The following ADIPOR2 variants were observed in gnomAD, a reference collection of about 807,000 sequenced individuals.
ADIPOR2 encodes adiponectin receptor protein 2.
ADIPOR2 carries 18 observed loss-of-function variants against 40.9 expected under a neutral mutation model. The observed-to-expected ratio is 0.44, with a 90% CI of 0.30 to 0.65. ADIPOR2 has a LOEUF of 0.65. Among genes scored for constraint, ADIPOR2 ranks in the 30% least tolerant of loss-of-function variants. ADIPOR2 has a pLI of 0.09. For missense variants in ADIPOR2, 283 were observed against 479.2 expected (o/e 0.59, Z 3.82); for synonymous variants, 165 against 166.4 (o/e 0.99, Z 0.06).
intron 2 of ADIPOR2, among the ~76,000 whole-genome samples, chr12:1,755,452 A>C (rs897355305): frequency 4.6e-5 from 7 of 152,198 alleles, no homozygotes; most frequent in Non-Finnish European, 1.0e-4. Flanking sequence ...GGTACCATAT[A>C]ATCTAATTTA....
At chr12:1,764,272 G>GT (rs1862328749) in intron 2 of ADIPOR2, among the ~76,000 whole-genome samples, 3 of 152,076 alleles carry the variant, frequency 2.0e-5, no homozygotes, top group African/African-American at 7.2e-5. Flanking sequence ...GAGGGTCATA[G>GT]TTTACTTTTT....
At chr12:1,706,168 C>T (rs533239935) in intron 1 of ADIPOR2, among the ~76,000 whole-genome samples, 12 of 145,192 alleles carry the variant, frequency 8.3e-5, no homozygotes, top group South Asian at 4.6e-4. Context: ...CTGTTTTGTA[C>T]GTTGTGTAAC....
chr12:1,745,008 A>G (rs2094751858), intron 1 of ADIPOR2, among the ~76,000 whole-genome samples: 1 of 152,162 alleles, frequency 6.6e-6, no homozygotes, highest in African/African-American at 2.4e-5. Flanking sequence ...TTCGGAAACA[A>G]AAAGAAGTCA....
At chr12:1,761,614 T>C (rs1300680079) in intron 2 of ADIPOR2, among the ~76,000 whole-genome samples, 2 of 152,220 alleles carry the variant, frequency 1.3e-5, no homozygotes, top group African/African-American at 4.8e-5. Flanking sequence ...TGAAGAGACC[T>C]GCCTAGGTTA....
rs2154444654 is a variant in ADIPOR2, at chr12:1,787,004, G to GGCT, written c.*934_*936dup. 1 of 152,324 alleles carries GGCT rather than the reference G, an allele frequency of 6.6e-6. No homozygotes were observed. The highest frequency in any genetic ancestry group is 2.1e-4 in the South Asian group (1 of 4,820). 9.4% of individuals were successfully genotyped at this position (152,324 alleles called of 1,614,324 possible). On this transcript the variant is annotated 3_prime_UTR_variant, in exon 8 of 8. Transcript: ENST00000357103. Reference sequence around the variant, plus strand: ...GAGGAGCTCTAGAAACATTAGCATGGGCTGATCTGATTACTTCCTGGCATC... The same window carrying GGCT: ...GAGGAGCTCTAGAAACATTAGCATGGGCTGCTGATCTGATTACTTCCTGGCATC...
chr12:1,783,837 G>GTT (rs780051334), intron 6 of ADIPOR2, 43 bp from the exon 7 acceptor site: 1 of 1,480,768 alleles, frequency 6.8e-7, no homozygotes. Flanking sequence ...CTGGCTCTTT[G>GTT]TTTCTCTTCT....
intron 1 of ADIPOR2, among the ~76,000 whole-genome samples, chr12:1,692,892 C>G (rs1275950959): frequency 6.6e-6 from 1 of 152,132 alleles, no homozygotes; most frequent in Non-Finnish European, 1.5e-5. Context: ...CGATCGCTCA[C>G]GCTGGTAATC....
chr12:1,703,192 A>G (rs949603360), intron 1 of ADIPOR2, among the ~76,000 whole-genome samples: 1 of 152,368 alleles, frequency 6.6e-6, no homozygotes, highest in Middle Eastern at 3.4e-3. Flanking sequence ...AGCTAGAGCT[A>G]TACGTTGTGA....
intron 7 of ADIPOR2, among the ~76,000 whole-genome samples, chr12:1,784,819 C>T (rs1335966909): frequency 2.0e-5 from 3 of 152,204 alleles, no homozygotes; most frequent in Non-Finnish European, 2.9e-5. Context: ...ATTGGAAATA[C>T]GCTTAATGTG....
chr12:1,718,146 A>T (rs2094691252), intron 1 of ADIPOR2, among the ~76,000 whole-genome samples: 1 of 152,114 alleles, frequency 6.6e-6, no homozygotes, highest in Admixed American at 6.5e-5. Flanking sequence ...TTGAATGATA[A>T]AATGTAGGCT....
At chr12:1,733,114 T>C (rs1292964806) in intron 1 of ADIPOR2, among the ~76,000 whole-genome samples, 1 of 152,212 alleles carries the variant, frequency 6.6e-6, no homozygotes. Context: ...TCTGTGTAAT[T>C]TTACTTAGAA....
At chr12:1,774,962 C>CA (rs1276890321) in intron 3 of ADIPOR2, among the ~76,000 whole-genome samples, 13 of 40,064 alleles carry the variant, frequency 3.2e-4, no homozygotes, top group Non-Finnish European at 1.3e-4. Context: ...CTCGGCCTCC[C>CA]ATAGTGCTGG....
At chr12:1,752,523 T>C (rs78881847) in intron 1 of ADIPOR2, among the ~76,000 whole-genome samples, 6 of 152,182 alleles carry the variant, frequency 3.9e-5, no homozygotes, top group Non-Finnish European at 5.9e-5. Context: ...GTTCATTTTC[T>C]TATCTTTTAC....
chr12:1,762,799 T>A (rs1862298083), intron 2 of ADIPOR2, among the ~76,000 whole-genome samples: 1 of 152,246 alleles, frequency 6.6e-6, no homozygotes, highest in African/African-American at 2.4e-5. Flanking sequence ...TGTGAATGTA[T>A]GTGTATTGTA....
intron 2 of ADIPOR2, among the ~76,000 whole-genome samples, chr12:1,764,588 C>CACACACACACACACACACAT (rs1555170937): frequency 2.1e-4 from 29 of 139,918 alleles, no homozygotes; most frequent in African/African-American, 6.8e-4. Context: ...CACACACACA[C>CACACACACACACACACACAT]ACGTAGATAT....
chr12:1,787,820 G>A lies in ADIPOR2; in HGVS notation c.*1748G>A, dbSNP rs186160725. ...CCTTGCAATCTCCAGCAAAAGGTGG[G>A]ATCTAGGAAGAAAGAATCCAGTGTA... On this transcript the variant is annotated 3_prime_UTR_variant, in exon 8 of 8. Transcript: ENST00000357103. The A allele has an allele frequency of 2.0e-5, 3 of 152,454 alleles. No individual in the cohort carries two copies. Among genetic ancestry groups the A allele is most frequent in the Non-Finnish European group, 4.4e-5 (3 of 68,050 alleles). 9.4% of individuals were successfully genotyped at this position (152,454 alleles called of 1,614,324 possible). A position where few individuals can be genotyped will look rare whatever the true frequency, so the allele number is the denominator to read the frequency against.
chr12:1,722,513 C>G (rs2094699824), intron 1 of ADIPOR2, among the ~76,000 whole-genome samples: 2 of 152,026 alleles, frequency 1.3e-5, no homozygotes, highest in African/African-American at 4.8e-5. Flanking sequence ...GTGACCTTGA[C>G]AAGTGTGGTC....
intron 3 of ADIPOR2, among the ~76,000 whole-genome samples, chr12:1,773,516 CTTT>C (rs34995304): frequency 1.3e-3 from 155 of 123,710 alleles, no homozygotes; most frequent in Non-Finnish European, 1.7e-3. Context: ...TTATGGGATT[CTTT>C]TTTTTTTTTT....
chr12:1,714,632 C>A (rs2094684080), intron 1 of ADIPOR2, among the ~76,000 whole-genome samples: 1 of 152,070 alleles, frequency 6.6e-6, no homozygotes, highest in Non-Finnish European at 1.5e-5. Context: ...GTTCACGACT[C>A]CAGTCCCCAT....
Sources: gnomAD v4.1 joint callset for allele counts (sites outside exome capture counted in the v4.1 genomes callset) on GRCh38, gnomAD v4.1.1 for gene constraint, MANE v1.5 for transcripts, NCBI Gene and HGNC (gene_info 2026-07-23, HGNC 2026-07-21) for gene names.